The following SH3GL2 variants were observed in gnomAD, a reference collection of about 807,000 sequenced individuals.
The protein encoded by SH3GL2 is endophilin-A1.
In SH3GL2, 24 loss-of-function variants were observed where a neutral mutation model predicts 46.0. The ratio of observed to expected loss-of-function variants is 0.52; its 90% CI spans 0.38 to 0.73. The LOEUF (loss-of-function observed/expected upper bound fraction) is 0.73, where lower values mean the gene tolerates loss of function less well. Among genes scored for constraint, SH3GL2 ranks in the 30% least tolerant of loss-of-function variants. SH3GL2 has a pLI of 0.00. For synonymous variants in SH3GL2, 196 were observed against 147.1 expected (o/e 1.33, Z -2.40); for missense variants, 413 against 424.2 (o/e 0.97, Z 0.23).
intron 1 of SH3GL2, among the ~76,000 whole-genome samples, chr9:17,637,631 A>G (rs964540525): frequency 2.6e-5 from 4 of 152,334 alleles, no homozygotes; most frequent in South Asian, 2.1e-4. Flanking sequence ...TCTTTTGTTT[A>G]CTAGCCATGT....
chr9:17,788,437 T>A (rs1824024258), intron 5 of SH3GL2, among the ~76,000 whole-genome samples: 1 of 152,152 alleles, frequency 6.6e-6, no homozygotes, highest in Non-Finnish European at 1.5e-5. Context: ...TCCTTTCCTT[T>A]TCATTTTTTT....
intron 6 of SH3GL2, among the ~76,000 whole-genome samples, chr9:17,790,932 A>G (rs1293876080): frequency 1.3e-5 from 2 of 152,312 alleles, no homozygotes; most frequent in South Asian, 2.1e-4. Context: ...TCCCAGATAC[A>G]AGATTGTAGC....
chr9:17,682,168 T>C (rs1189285183), intron 1 of SH3GL2, among the ~76,000 whole-genome samples: 3 of 152,154 alleles, frequency 2.0e-5, no homozygotes, highest in Non-Finnish European at 4.4e-5. Context: ...CTCAAGGATC[T>C]ACAACCAGAA....
chr9:17,649,000 G>A lies in SH3GL2; in HGVS notation c.45+69713G>A, dbSNP rs937302200. Among the ~76,000 whole-genome samples the A allele has an allele frequency of 7.9e-5, 12 of 152,186 alleles. 1 individual carries two copies. The highest frequency in any genetic ancestry group is 2.9e-4 in the African/African-American group (12 of 41,440). On this transcript the variant is annotated intron_variant, in intron 1 of 8. Transcript: ENST00000380607. The stretch of plus-strand genomic sequence containing the variant: ...AATAGAACTGTGTTTCCTGTATGAT[G>A]TTGTGTGTGAGTGCATGTGTATAAA...
chr9:17,776,490 C>T (rs1358774904), intron 3 of SH3GL2, among the ~76,000 whole-genome samples: 3 of 152,128 alleles, frequency 2.0e-5, no homozygotes, highest in African/African-American at 7.2e-5. Flanking sequence ...TCAACAACCT[C>T]ACAACCTCAA....
chr9:17,623,184 G>A (rs1588181561), intron 1 of SH3GL2, among the ~76,000 whole-genome samples: 1 of 151,476 alleles, frequency 6.6e-6, no homozygotes, highest in East Asian at 2.0e-4. Flanking sequence ...TTCCATCGGA[G>A]TGGGCCCTTT....
chr9:17,640,426 A>G (rs1322204590), intron 1 of SH3GL2, among the ~76,000 whole-genome samples: 1 of 152,048 alleles, frequency 6.6e-6, no homozygotes, highest in Non-Finnish European at 1.5e-5. Flanking sequence ...CATTATTTCT[A>G]CTATGAAAAG....
chr9:17,761,685 A>C, intron 3 of SH3GL2, 176 bp downstream of exon 3: 1 of 671,326 alleles, frequency 1.5e-6, no homozygotes, highest in Non-Finnish European at 2.7e-6. Context: ...GGGCTTTTTA[A>C]AGCTCACATT....
At chr9:17,603,092 G>A (rs1411817706) in intron 1 of SH3GL2, among the ~76,000 whole-genome samples, 1 of 152,178 alleles carries the variant, frequency 6.6e-6, no homozygotes, top group Non-Finnish European at 1.5e-5. Flanking sequence ...CTTTTGGTCT[G>A]TGTTGGAGAG....
chr9:17,609,152 C>G (rs1420891005), intron 1 of SH3GL2, among the ~76,000 whole-genome samples: 1 of 152,098 alleles, frequency 6.6e-6, no homozygotes, highest in Non-Finnish European at 1.5e-5. Flanking sequence ...ATTCTCACAG[C>G]CCGATAAAGT....
At chr9:17,633,625 T>C (rs1819481215) in intron 1 of SH3GL2, among the ~76,000 whole-genome samples, 1 of 152,220 alleles carries the variant, frequency 6.6e-6, no homozygotes, top group Admixed American at 6.5e-5. Flanking sequence ...TTTGAAGTTA[T>C]TTTTATAAAT....
chr9:17,678,461 C>T (rs200989163), intron 1 of SH3GL2, among the ~76,000 whole-genome samples: 27 of 152,218 alleles, frequency 1.8e-4, no homozygotes, highest in South Asian at 6.2e-4. Context: ...TCATATCCTT[C>T]GCCCACTTTT....
At chr9:17,736,663 A>G (rs996014986) in intron 1 of SH3GL2, among the ~76,000 whole-genome samples, 8 of 152,152 alleles carry the variant, frequency 5.3e-5, no homozygotes, top group African/African-American at 1.7e-4. Context: ...TGTGAAATAC[A>G]TGTAGGAAGT....
intron 1 of SH3GL2, among the ~76,000 whole-genome samples, chr9:17,720,665 G>C (rs1821873556): frequency 6.6e-6 from 1 of 152,138 alleles, no homozygotes; most frequent in African/African-American, 2.4e-5. Flanking sequence ...TATATAAGGA[G>C]GCAGTTTTAG....
intron 1 of SH3GL2, among the ~76,000 whole-genome samples, chr9:17,669,213 T>C (rs1001218414): frequency 6.6e-6 from 1 of 151,908 alleles, no homozygotes; most frequent in Non-Finnish European, 1.5e-5. Context: ...TGAAAAACGG[T>C]AGTATGGTAT....
chr9:17,650,412 C>A (rs1819926710), intron 1 of SH3GL2, among the ~76,000 whole-genome samples: 1 of 152,080 alleles, frequency 6.6e-6, no homozygotes, highest in Non-Finnish European at 1.5e-5. Flanking sequence ...CGCTCTGTCA[C>A]CCAGGCTGGA....
At chr9:17,726,099 A>G (rs1358033860) in intron 1 of SH3GL2, among the ~76,000 whole-genome samples, 1 of 152,138 alleles carries the variant, frequency 6.6e-6, no homozygotes, top group Non-Finnish European at 1.5e-5. Context: ...GAAAATTTCC[A>G]GAAACTTTAA....
At chr9:17,786,359 C>T in intron 3 of SH3GL2, 22 bp from the exon 4 acceptor site, 1 of 1,597,202 alleles carries the variant, frequency 6.3e-7, no homozygotes, top group Non-Finnish European at 8.5e-7. Context: ...ACTCTGAAAG[C>T]TTGTTCTCTC....
chr9:17,694,718 T>C (rs746666079), intron 1 of SH3GL2, among the ~76,000 whole-genome samples: 2 of 152,180 alleles, frequency 1.3e-5, no homozygotes, highest in Non-Finnish European at 2.9e-5. Context: ...CGCTATTCTT[T>C]CTAAATTTTC....
Sources: gnomAD v4.1 joint callset for allele counts (sites outside exome capture counted in the v4.1 genomes callset) on GRCh38, gnomAD v4.1.1 for gene constraint, MANE v1.5 for transcripts, NCBI Gene and HGNC (gene_info 2026-07-23, HGNC 2026-07-21) for gene names.